MTMR3: variants seen among roughly 807,000 people sequenced by gnomAD.
The protein encoded by MTMR3 is myotubularin related protein 3.
MTMR3 carries 32 observed loss-of-function variants against 132.4 expected under a neutral mutation model. The ratio of observed to expected loss-of-function variants is 0.24; its 90% CI spans 0.18 to 0.32. The LOEUF (loss-of-function observed/expected upper bound fraction) is 0.32. MTMR3 is among the 10% of genes least tolerant of loss of function. MTMR3 has a pLI of 1.00. For synonymous variants in MTMR3, 556 were observed against 550.3 expected (o/e 1.01, Z -0.14); for missense variants, 1,216 against 1,489.6 (o/e 0.82, Z 3.02).
At position 30,019,823 on chromosome 22, in the gene MTMR3, C is replaced by G; in HGVS notation, c.2164C>G (p.Leu722Val). The G allele has an allele frequency of 6.2e-7, 1 of 1,614,164 alleles. No individual in the cohort carries two copies. Among genetic ancestry groups the G allele is most frequent in the South Asian group, 1.1e-5 (1 of 91,086 alleles). The change falls in exon 17 of 20, where the codon CTC becomes GTC. Residue 722 changes from leucine to valine, a missense_variant. Physicochemically the swap from Leu to Val is conservative, Grantham distance 32 (BLOSUM62 1). Around this residue, in one of 7 missense-constraint regions of MTMR3, gnomAD observed 852 missense variants for 852.0 expected, o/e 1.00. Coordinates refer to ENST00000401950, the MANE Select transcript of MTMR3 (RefSeq NM_021090.4). Reference sequence around the variant, plus strand: ...GATACAGGAGGGTAAAGAGGACCCTCTCTTAGAAAAGGAGAGCAGGAGGAA... The same window carrying G: ...GATACAGGAGGGTAAAGAGGACCCTGTCTTAGAAAAGGAGAGCAGGAGGAA... ...IEIQEGKEDP[L>V]LEKESRRKTP...
At chr22:29,888,374 G>A (rs1465659253) in intron 1 of MTMR3, among the ~76,000 whole-genome samples, 1 of 152,084 alleles carries the variant, frequency 6.6e-6, no homozygotes, top group Non-Finnish European at 1.5e-5. Flanking sequence ...CTTTTGGGTT[G>A]TGATAAAACT....
chr22:29,890,075 T>G (rs1486485278), intron 1 of MTMR3, among the ~76,000 whole-genome samples: 1 of 151,668 alleles, frequency 6.6e-6, no homozygotes, highest in Non-Finnish European at 1.5e-5. Context: ...CCCGGCTAAT[T>G]TTTTGTATTT....
At chr22:29,908,912 G>A (rs902270886) in intron 1 of MTMR3, among the ~76,000 whole-genome samples, 2 of 151,742 alleles carry the variant, frequency 1.3e-5, no homozygotes, top group African/African-American at 4.8e-5. Flanking sequence ...TCTCCAGAAT[G>A]TGCTTCCCAA....
intron 1 of MTMR3, among the ~76,000 whole-genome samples, chr22:29,887,105 A>G (rs2064693523): frequency 6.6e-6 from 1 of 152,202 alleles, no homozygotes; most frequent in Admixed American, 6.5e-5. Context: ...ATCAATACTG[A>G]TATGCTTTCA....
At chr22:29,978,388 A>G in intron 3 of MTMR3, 54 bp from the exon 4 acceptor site, 3 of 1,465,544 alleles carry the variant, frequency 2.0e-6, no homozygotes, top group Non-Finnish European at 2.8e-6. Flanking sequence ...CAGAAAAACC[A>G]AATATGAATG....
In MTMR3 at chr22:29,971,044, A is replaced by G. The variant is rs367924231; in HGVS notation, c.-16A>G. 6.9e-6 allele frequency: 11 copies of G among 1,594,596 alleles called. No homozygotes were observed. The highest frequency in any genetic ancestry group is 9.4e-6 in the Non-Finnish European group (11 of 1,172,524). On this transcript the variant is annotated 5_prime_UTR_variant, in exon 3 of 20. Transcript: ENST00000401950. ...GAAGGGACGGGGATTTCTCCTCCTA[A>G]TCTGGGCCTCTTGTCATGGTAAGTA...
At chr22:29,973,093 GTA>G (rs2066567719) in intron 3 of MTMR3, among the ~76,000 whole-genome samples, 1 of 152,164 alleles carries the variant, frequency 6.6e-6, no homozygotes, top group African/African-American at 2.4e-5. Context: ...CATTTAGAGT[GTA>G]TGTCCTTAAT....
At chr22:29,973,876 G>A (rs996739749) in intron 3 of MTMR3, among the ~76,000 whole-genome samples, 4 of 152,010 alleles carry the variant, frequency 2.6e-5, no homozygotes, top group Non-Finnish European at 4.4e-5. Context: ...TGAGATTACA[G>A]GCATGAGTCA....
intron 13 of MTMR3, chr22:30,013,141 G>A (rs2067477433): frequency 2.4e-6 from 1 of 411,246 alleles, no homozygotes; most frequent in Non-Finnish European, 4.4e-6. Context: ...AACGCAGTCA[G>A]TACCATTTTA....
chr22:29,917,819 T>C (rs927098564), intron 1 of MTMR3, among the ~76,000 whole-genome samples: 2 of 152,234 alleles, frequency 1.3e-5, no homozygotes, highest in African/African-American at 4.8e-5. Flanking sequence ...TTTATACTTG[T>C]CAAAAGTCAT....
intron 16 of MTMR3, 127 bp downstream of exon 16, chr22:30,018,199 A>G (rs2067648546): frequency 3.7e-6 from 4 of 1,088,224 alleles, no homozygotes; most frequent in Middle Eastern, 3.1e-4. Flanking sequence ...AGGTCTCTGC[A>G]GTTTTTTCAG....
At chr22:29,955,652 C>T (rs1829844039) in intron 1 of MTMR3, among the ~76,000 whole-genome samples, 1 of 152,130 alleles carries the variant, frequency 6.6e-6, no homozygotes, top group South Asian at 2.1e-4. Flanking sequence ...ATTGGGGAGA[C>T]AAAAATATTA....
At chr22:29,900,385 A>G (rs184384771) in intron 1 of MTMR3, among the ~76,000 whole-genome samples, 1 of 152,284 alleles carries the variant, frequency 6.6e-6, no homozygotes, top group African/African-American at 2.4e-5. Flanking sequence ...CACGTAAAAT[A>G]ATAGGAATAT....
At chr22:29,954,481 A>G (rs1412193171) in intron 1 of MTMR3, among the ~76,000 whole-genome samples, 2 of 152,070 alleles carry the variant, frequency 1.3e-5, no homozygotes, top group African/African-American at 4.8e-5. Context: ...GTTTCTAACC[A>G]AGCAGATGTT....
intron 1 of MTMR3, among the ~76,000 whole-genome samples, chr22:29,935,466 A>G (rs2065729834): frequency 6.6e-6 from 1 of 152,212 alleles, no homozygotes; most frequent in Admixed American, 6.5e-5. Flanking sequence ...GTGCTAGTGT[A>G]TGTTTTCAGT....
chr22:29,919,507 A>G (rs1475191290), intron 1 of MTMR3, among the ~76,000 whole-genome samples: 1 of 152,102 alleles, frequency 6.6e-6, no homozygotes, highest in African/African-American at 2.4e-5. Context: ...ATATTTTTGG[A>G]CTGTTAATTT....
chr22:29,910,267 G>C (rs1373502983), intron 1 of MTMR3, among the ~76,000 whole-genome samples: 2 of 152,126 alleles, frequency 1.3e-5, no homozygotes, highest in Admixed American at 1.3e-4. Context: ...CAAATCCAGT[G>C]CAGTTATGTA....
chr22:29,964,348 T>G (rs925102231), intron 2 of MTMR3, among the ~76,000 whole-genome samples: 2 of 152,196 alleles, frequency 1.3e-5, no homozygotes, highest in Non-Finnish European at 2.9e-5. Context: ...TTTGTTTGTT[T>G]GTTATTTTAC....
chr22:30,008,879 G>A (rs1601412263), intron 11 of MTMR3, 139 bp from the exon 12 acceptor site: 1 of 611,870 alleles, frequency 1.6e-6, no homozygotes, highest in East Asian at 2.7e-5. Context: ...TGGGCTAATA[G>A]TTAAGCATTT....
Sources: gnomAD v4.1 joint callset for allele counts (sites outside exome capture counted in the v4.1 genomes callset) on GRCh38, gnomAD v4.1.1 for gene constraint, gnomAD v4.1.1 regional missense constraint, MANE v1.5 for transcripts, NCBI Gene and HGNC (gene_info 2026-07-23, HGNC 2026-07-21) for gene names.